GLYATL1: variants seen among roughly 807,000 people sequenced by gnomAD.
GLYATL1 encodes the protein glycine-N-acyltransferase like 1, also known as glycine N-acyltransferase-like protein 1.
A neutral mutation model predicts 20.0 loss-of-function variants in GLYATL1; 15 were observed. The observed-to-expected ratio is 0.75, with a 90% CI of 0.50 to 1.15. GLYATL1 has a LOEUF of 1.15. GLYATL1 is among the 50% of genes most tolerant of loss of function. The probability of loss-of-function intolerance (pLI) is 0.00; values close to 1 mark genes in which losing one functional copy is unlikely to be tolerated. For missense variants in GLYATL1, 380 were observed against 368.5 expected (o/e 1.03, Z -0.26); for synonymous variants, 151 against 131.5 (o/e 1.15, Z -1.01).
upstream of GLYATL1, among the ~76,000 whole-genome samples, chr11:58,925,106 G>A (rs1855397692): frequency 6.6e-6 from 1 of 152,110 alleles, no homozygotes; most frequent in Non-Finnish European, 1.5e-5. Context: ...ATCCTTGGAT[G>A]AGGATACAGT....
At chr11:58,946,511 T>A (rs1856579109) in intron 2 of GLYATL1, among the ~76,000 whole-genome samples, 1 of 152,236 alleles carries the variant, frequency 6.6e-6, no homozygotes, top group Non-Finnish European at 1.5e-5. Flanking sequence ...TGTGTTAAAA[T>A]TTTTCTATCT....
At chr11:58,922,280 G>A (rs370635952) in intron 1 of GLYATL1, among the ~76,000 whole-genome samples, 35 of 152,176 alleles carry the variant, frequency 2.3e-4, no homozygotes, top group Admixed American at 1.3e-3. Flanking sequence ...TGGATGGTGC[G>A]TTAGGAAGAT....
chr11:58,907,567 T>G, exon 2 of GLYATL1: 1 of 357,062 alleles, frequency 2.8e-6, no homozygotes, highest in South Asian at 2.2e-5. Flanking sequence ...TAATGACTTT[T>G]AATGTTCCTG....
At chr11:58,920,497 C>T (rs1203117482) in intron 1 of GLYATL1, among the ~76,000 whole-genome samples, 1 of 152,122 alleles carries the variant, frequency 6.6e-6, no homozygotes, top group Non-Finnish European at 1.5e-5. Context: ...TTGGCGTACT[C>T]CCTCTAGTAT....
chr11:58,942,474 G>A (rs558227400), intron 1 of GLYATL1: 6 of 152,216 alleles, frequency 3.9e-5, no homozygotes, highest in Admixed American at 3.9e-4. Flanking sequence ...TGTCATAATG[G>A]ATTGGATGTA....
upstream of GLYATL1, among the ~76,000 whole-genome samples, chr11:58,924,084 A>C (rs1402866551): frequency 6.6e-6 from 1 of 152,262 alleles, no homozygotes; most frequent in East Asian, 1.9e-4. Flanking sequence ...AGTCCTGCTG[A>C]GTGTCCGACC....
At chr11:58,911,226 A>C (rs1171504603), downstream of GLYATL1, among the ~76,000 whole-genome samples, 1 of 152,224 alleles carries the variant, frequency 6.6e-6, no homozygotes, top group East Asian at 1.9e-4. Context: ...CCATTCACTC[A>C]CTGAAGAACA....
intron 1 of GLYATL1, among the ~76,000 whole-genome samples, chr11:58,915,343 G>C (rs1855146478): frequency 6.6e-6 from 1 of 152,216 alleles, no homozygotes; most frequent in Middle Eastern, 3.2e-3. Context: ...AAGGCTCAGT[G>C]AAGGGACCTT....
rs775072712 is a variant in GLYATL1 at position 58,943,610 on chromosome 11, G to C, written c.-99G>C. On this transcript the variant is annotated 5_prime_UTR_variant, in exon 2 of 7. Coordinates refer to ENST00000532726, the MANE Select transcript of GLYATL1 (RefSeq NM_001389712.2). ...CCAGGAGCGCGAAGTGAACACGGAA[G>C]GTACCTGCAGGATCCAATTGTGTCC... 4.3e-6 allele frequency: 7 copies of C among 1,613,572 alleles called. No homozygotes were observed. The highest frequency in any genetic ancestry group is 5.1e-6 in the Non-Finnish European group (6 of 1,179,662).
At chr11:58,943,465 G>C (rs1470063753) in intron 1 of GLYATL1, 78 bp from the exon 2 acceptor site, 1 of 1,532,316 alleles carries the variant, frequency 6.5e-7, no homozygotes, top group Non-Finnish European at 8.8e-7. Flanking sequence ...GATTTTGTAG[G>C]CTGCCGGATT....
chr11:58,952,472 A>T (rs1385841515), intron 4 of GLYATL1, among the ~76,000 whole-genome samples: 4 of 152,180 alleles, frequency 2.6e-5, no homozygotes, highest in East Asian at 3.8e-4. Context: ...CTGTTACCAA[A>T]GTCTACTATT....
At chr11:58,950,961 G>A (rs977195832) in intron 4 of GLYATL1, among the ~76,000 whole-genome samples, 2 of 152,024 alleles carry the variant, frequency 1.3e-5, no homozygotes, top group African/African-American at 4.8e-5. Flanking sequence ...CTAAAAAAAG[G>A]TGTATGCTAC....
Position 58,955,624 on chromosome 11 carries a change from T to A in GLYATL1, c.506T>A (p.Phe169Tyr), listed in dbSNP as rs753908233. The change falls in exon 7 of 7, where the codon TTT becomes TAT. Residue 169 changes from phenylalanine (F) to tyrosine (Y), a missense_variant. By Grantham distance (22) the Phe-to-Tyr change is conservative (BLOSUM62 3). Coordinates refer to ENST00000532726, the MANE Select transcript of GLYATL1 (RefSeq NM_001389712.2). ...DDEFESETPN[F>Y]KYAQLDVSYS... ...GTTGTCTACAGTGAAACTCCCAACT[T>A]TAAGTATGCCCAGCTGGATGTCTCT... is the stretch of plus-strand genomic sequence containing the variant. The A allele has an allele frequency of 3.7e-6, 6 of 1,613,538 alleles. No homozygotes were observed. The Admixed American group carries it at 6.7e-5, about 18-fold the overall frequency.
chr11:58,948,742 G>C (rs1565132521), intron 4 of GLYATL1, among the ~76,000 whole-genome samples: 1 of 152,202 alleles, frequency 6.6e-6, no homozygotes, highest in African/African-American at 2.4e-5. Flanking sequence ...TCTCGTTAGT[G>C]AATGTTATCA....
rs1857254136 is a variant in GLYATL1 at position 58,954,752 on chromosome 11, T to C, written c.187-18T>C. On this transcript the variant is annotated intron_variant, in intron 4 of 6. Coordinates refer to ENST00000532726, the MANE Select transcript of GLYATL1 (RefSeq NM_001389712.2). The stretch of plus-strand genomic sequence containing the variant: ...AAAAGTTCAAGGGAATGACCTGATC[T>C]TATATCATCCAATACAGGAGATGAC... 1.3e-6 allele frequency: 2 copies of C among 1,581,162 alleles called. No individual in the cohort carries two copies. Among genetic ancestry groups the C allele is most frequent in the Non-Finnish European group, 1.7e-6 (2 of 1,166,812 alleles).
intron 1 of GLYATL1, among the ~76,000 whole-genome samples, chr11:58,931,632 A>G (rs917494420): frequency 1.1e-4 from 16 of 152,206 alleles, no homozygotes; most frequent in Non-Finnish European, 2.2e-4. Flanking sequence ...TTAGAAAACA[A>G]CAGAATACAT....
chr11:58,955,553 C>T, intron 6 of GLYATL1, 57 bp from the exon 7 acceptor site: 3 of 1,554,840 alleles, frequency 1.9e-6, no homozygotes, highest in African/African-American at 1.4e-5. Flanking sequence ...TGGGATGGCA[C>T]CTAGAAATTA....
chr11:58,913,422 A>G (rs1855097719), downstream of GLYATL1, among the ~76,000 whole-genome samples: 1 of 152,210 alleles, frequency 6.6e-6, no homozygotes, highest in Non-Finnish European at 1.5e-5. Context: ...CTAAAACCCA[A>G]GCACTTTAAC....
intron 1 of GLYATL1, among the ~76,000 whole-genome samples, chr11:58,930,609 A>AC (rs1855562222): frequency 1.3e-5 from 2 of 152,132 alleles, no homozygotes; most frequent in Non-Finnish European, 2.9e-5. Flanking sequence ...AAAATGTAAT[A>AC]CCCCCCAAAT....
Sources: allele counts gnomAD v4.1 joint callset (sites outside exome capture counted in the v4.1 genomes callset), GRCh38; gene constraint gnomAD v4.1.1; transcripts MANE v1.5; gene names NCBI Gene and HGNC (gene_info 2026-07-23, HGNC 2026-07-21).